Variants in CST5 observed in about 807,000 individuals in gnomAD.
CST5 encodes the protein cystatin D, also known as cystatin-D.
A neutral mutation model predicts 11.5 loss-of-function variants in CST5; 13 were observed. That is an observed-to-expected ratio of 1.13 (90% CI 0.73 to 1.79). CST5 has a LOEUF of 1.79. CST5 is among the 40% of genes most tolerant of loss of function. CST5 has a pLI of 0.00. For synonymous variants in CST5, 81 were observed against 67.6 expected (o/e 1.20, Z -0.97); for missense variants, 219 against 174.5 (o/e 1.25, Z -1.44).
chr20:23,879,013 G>T (rs1410435342), intron 1 of CST5, among the ~76,000 whole-genome samples: 1 of 152,354 alleles, frequency 6.6e-6, no homozygotes, highest in African/African-American at 2.4e-5. Context: ...ATAACGGGCT[G>T]TGCCCAGGGG....
rs202048792 is a variant in CST5 at position 23,879,521 on chromosome 20, G to C, written c.156C>G (p.Ile52Met). The C allele has an allele frequency of 6.2e-7, 1 of 1,614,060 alleles. No homozygotes were observed. The highest frequency in any genetic ancestry group is 2.2e-5 in the East Asian group (1 of 44,866). The change falls in exon 1 of 3, where the codon ATC (isoleucine) becomes ATG (methionine). Residue 52 changes from isoleucine to methionine, a missense_variant. Coordinates refer to ENST00000304710, the MANE Select transcript of CST5 (RefSeq NM_001900.5). ...TATTAATGACCTTGTTGTACTCGCT[G>C]ATGGCAAAGTCCAGGGCACACTGCA... is the stretch of plus-strand genomic sequence containing the variant. ...KSVQCALDFA[I>M]SEYNKVINKD... is the part of the protein sequence containing the mutation.
In CST5 at chr20:23,876,399, A is replaced by T. The variant is rs1190507790; in HGVS notation, c.346-128T>A. 3.3e-5 allele frequency: 22 copies of T among 675,514 alleles called. No individual in the cohort carries two copies. The East Asian group carries it at 5.7e-4, about 18-fold the overall frequency. The allele number at this position is 675,514 out of a possible 1,614,324, so 41.8% of individuals were successfully genotyped here. ...AGACACTGCCCCCTGACCCCAACCTACCCCTGCCGAGTTCCAGGGCACTGA... is the reference window on the plus strand; with the variant it reads ...AGACACTGCCCCCTGACCCCAACCTTCCCCTGCCGAGTTCCAGGGCACTGA... On this transcript the variant is annotated intron_variant, in intron 2 of 2. Coordinates refer to ENST00000304710, the MANE Select transcript of CST5 (RefSeq NM_001900.5).
rs1364408953 is a variant in CST5 at position 23,876,088 on chromosome 20, A to G, written c.*100T>C. 19 of 880,008 alleles carry G rather than the reference A, an allele frequency of 2.2e-5. No homozygotes were observed. The highest frequency in any genetic ancestry group is 6.3e-5 in the Admixed American group (3 of 47,764). The allele number at this position is 880,008 out of a possible 1,614,324, so 54.5% of individuals were successfully genotyped here. A position where few individuals can be genotyped will look rare whatever the true frequency, so the allele number is the denominator to read the frequency against. Reference sequence around the variant, plus strand: ...GTCTGTCTCCTGGTGCAGGCGCATGAGGAGACCTCCCCCAGGGTGGGGGCC... The same window carrying G: ...GTCTGTCTCCTGGTGCAGGCGCATGGGGAGACCTCCCCCAGGGTGGGGGCC... On this transcript the variant is annotated 3_prime_UTR_variant, in exon 3 of 3. Transcript: ENST00000304710.
Position 23,876,217 on chromosome 20 carries a change from T to C in CST5, c.400A>G (p.Ile134Val). Reference sequence around the variant, plus strand: ...ACTTTCCGGCACTTGTAGTTCAGAATGGAAATTTTATCCTCCCAGGGAACT... The same window carrying C: ...ACTTTCCGGCACTTGTAGTTCAGAACGGAAATTTTATCCTCCCAGGGAACT... ...NEVPWEDKIS[I>V]LNYKCRKV is the part of the protein sequence containing the mutation. Residue 134 changes from isoleucine to valine, a missense_variant, in exon 3 of 3, where the codon ATT (isoleucine) becomes GTT (valine). Coordinates refer to ENST00000304710, the MANE Select transcript of CST5 (RefSeq NM_001900.5). The C allele has an allele frequency of 1.2e-6, 2 of 1,613,936 alleles. No homozygotes were observed. The highest frequency in any genetic ancestry group is 8.5e-7 in the Non-Finnish European group (1 of 1,179,866).
At chr20:23,877,468 C>T (rs201092886) in intron 2 of CST5, 37 bp downstream of exon 2, 143 of 1,487,980 alleles carry the variant, frequency 9.6e-5, no homozygotes, top group Middle Eastern at 6.9e-4. Context: ...CACTGCTCTG[C>T]GGTACTTGAT....
rs1329295481 is a variant in CST5 at position 23,877,470 on chromosome 20, G to T, written c.345+35C>A. ...ACACACATGCACACACTGCTCTGCG[G>T]TACTTGATGCCCCTGACCCACATCA... On this transcript the variant is annotated intron_variant, in intron 2 of 2. Coordinates refer to ENST00000304710, the MANE Select transcript of CST5 (RefSeq NM_001900.5). 3.3e-6 allele frequency: 5 copies of T among 1,515,598 alleles called. No homozygotes were observed. In the Admixed American group the frequency reaches 8.4e-5, roughly 25 times the overall value. 93.9% of individuals were successfully genotyped at this position (1,515,598 alleles called of 1,614,324 possible).
rs1220179680 is a variant in CST5, at chr20:23,876,159, G to A, written c.*29C>T. On this transcript the variant is annotated 3_prime_UTR_variant, in exon 3 of 3. Coordinates refer to ENST00000304710, the MANE Select transcript of CST5 (RefSeq NM_001900.5). ...ACTACAGGGGGTGGGAGTAGGAGGT[G>A]GTCAGTGTGACAGGCCTTGCACAGA... is the stretch of plus-strand genomic sequence containing the variant. The A allele has an allele frequency of 1.3e-6, 2 of 1,577,040 alleles. No homozygotes were observed. The highest frequency in any genetic ancestry group is 8.7e-7 in the Non-Finnish European group (1 of 1,147,128).
At chr20:23,876,874 G>A (rs975509881) in intron 2 of CST5, among the ~76,000 whole-genome samples, 1 of 152,174 alleles carries the variant, frequency 6.6e-6, no homozygotes, top group Non-Finnish European at 1.5e-5. Context: ...GCAGGTGCCT[G>A]AGGCTGGGGT....
At chr20:23,877,382 C>T (rs1985985442) in intron 2 of CST5, 123 bp downstream of exon 2, 15 of 739,570 alleles carry the variant, frequency 2.0e-5, no homozygotes, top group African/African-American at 8.5e-5. Flanking sequence ...TATCTGCACA[C>T]ATGCACACAT....
chr20:23,879,269 G>A (rs111481507), intron 1 of CST5, among the ~76,000 whole-genome samples, 177 bp downstream of exon 1: 43,036 of 152,122 alleles, frequency 0.28, 8,283 homozygotes, highest in African/African-American at 0.55. Flanking sequence ...GGACAGGGCT[G>A]AACTCATGCA....
chr20:23,876,604 G>A (rs1485535693), intron 2 of CST5, among the ~76,000 whole-genome samples: 1 of 152,184 alleles, frequency 6.6e-6, no homozygotes, highest in Admixed American at 6.5e-5. Context: ...ACTGCCTCCA[G>A]CTCCTTCCAC....
chr20:23,877,964 A>G (rs1986000219), intron 1 of CST5, among the ~76,000 whole-genome samples: 2 of 152,202 alleles, frequency 1.3e-5, no homozygotes, highest in African/African-American at 4.8e-5. Context: ...GGACAAAGAA[A>G]CAGTCCTGGC....
chr20:23,878,148 C>T (rs1986003943), intron 1 of CST5, among the ~76,000 whole-genome samples: 1 of 152,216 alleles, frequency 6.6e-6, no homozygotes. Flanking sequence ...ATTCAGTCCA[C>T]AGAGCATCTC....
Position 23,879,740 on chromosome 20 carries a change from G to A in CST5, c.-64C>T, listed in dbSNP as rs1986044901. ...GAGAGCAAAGCAGCAGAAGGCTGAG[G>A]CAGGAAGCCCAGGCCAGAAGCTAGC... On this transcript the variant is annotated 5_prime_UTR_variant, in exon 1 of 3. Coordinates refer to ENST00000304710, the MANE Select transcript of CST5 (RefSeq NM_001900.5). 1.3e-6 allele frequency: 2 copies of A among 1,518,832 alleles called. No individual in the cohort carries two copies. The highest frequency in any genetic ancestry group is 1.8e-6 in the Non-Finnish European group (2 of 1,111,092). The allele number at this position is 1,518,832 out of a possible 1,614,324, so 94.1% of individuals were successfully genotyped here.
In CST5 at chr20:23,875,937, A is replaced by G. The variant is rs535254884; in HGVS notation, c.*251T>C. On this transcript the variant is annotated 3_prime_UTR_variant, in exon 3 of 3. Coordinates refer to ENST00000304710, the MANE Select transcript of CST5 (RefSeq NM_001900.5). ...AACAGCCAAGAACTCAGAGGGAGGC[A>G]ATGCTACTGTTTAATTGCAGGAGGT... The G allele has an allele frequency of 3.8e-5, 13 of 342,618 alleles. No individual in the cohort carries two copies. Among genetic ancestry groups the G allele is most frequent in the Admixed American group, 1.4e-4 (3 of 22,140 alleles). 21.2% of individuals were successfully genotyped at this position (342,618 alleles called of 1,614,324 possible). A position where few individuals can be genotyped will look rare whatever the true frequency, so the allele number is the denominator to read the frequency against.
chr20:23,876,397 C>T, intron 2 of CST5, 126 bp from the exon 3 acceptor site: 1 of 693,568 alleles, frequency 1.4e-6, no homozygotes, highest in Non-Finnish European at 2.5e-6. Flanking sequence ...TGACCCCAAC[C>T]TACCCCTGCC....
Position 23,879,691 on chromosome 20 carries a change from C to T in CST5, c.-15G>A, listed in dbSNP as rs1568570294. 5 of 1,608,236 alleles carry T rather than the reference C, an allele frequency of 3.1e-6. No individual in the cohort carries two copies. The highest frequency in any genetic ancestry group is 2.2e-5 in the South Asian group (2 of 90,770). On this transcript the variant is annotated 5_prime_UTR_variant, in exon 1 of 3. It adds an upstream start codon to the 5' untranslated region. Transcript: ENST00000304710. ...GGCCACATCATGTTCTACTGGGACA[C>T]AGAGCAAGGAGCTGGATCTCCCAGA... is the stretch of plus-strand genomic sequence containing the variant.
intron 2 of CST5, among the ~76,000 whole-genome samples, chr20:23,876,952 C>G (rs186600267): frequency 6.6e-6 from 1 of 152,278 alleles, no homozygotes; most frequent in East Asian, 1.9e-4. Context: ...CAACAGACAA[C>G]ACCCCAAAGC....
Position 23,879,602 on chromosome 20 carries a change from G to A in CST5, c.75C>T (p.Ala25=). The change falls in exon 1 of 3, where the codon GCC becomes GCT. Residue 25 remains alanine, a synonymous_variant. Coordinates refer to ENST00000304710, the MANE Select transcript of CST5 (RefSeq NM_001900.5). ...LMVAVAGSAS[A]QSRTLAGGIH... Reference sequence around the variant, plus strand: ...TGCCACCTGCCAAGGTCCTAGATTGGGCCGAGGCACTCCCGGCCACGGCCA... The same window carrying A: ...TGCCACCTGCCAAGGTCCTAGATTGAGCCGAGGCACTCCCGGCCACGGCCA... 3 of 1,614,038 alleles carry A rather than the reference G, an allele frequency of 1.9e-6. No individual in the cohort carries two copies. Among genetic ancestry groups the A allele is most frequent in the Non-Finnish European group, 1.7e-6 (2 of 1,179,986 alleles).
Sources: allele counts gnomAD v4.1 joint callset (sites outside exome capture counted in the v4.1 genomes callset), GRCh38; gene constraint gnomAD v4.1.1; transcripts MANE v1.5; gene names NCBI Gene and HGNC (gene_info 2026-07-23, HGNC 2026-07-21).